The following NTM variants were observed in gnomAD, a reference collection of about 807,000 sequenced individuals.
NTM encodes the protein neurotrimin, also known as IgLON family member 2.
A neutral mutation model predicts 42.1 loss-of-function variants in NTM; 13 were observed. The observed-to-expected ratio is 0.31, with a 90% CI of 0.20 to 0.49. NTM has a LOEUF of 0.49. NTM is among the 20% of genes least tolerant of loss of function. NTM has a pLI of 0.99. For missense variants in NTM, 373 were observed against 452.8 expected (o/e 0.82, Z 1.60); for synonymous variants, 187 against 179.2 (o/e 1.04, Z -0.35).
chr11:131,902,009 C>A (rs1462421462), intron 1 of NTM, among the ~76,000 whole-genome samples: 2 of 152,194 alleles, frequency 1.3e-5, no homozygotes, highest in African/African-American at 4.8e-5. Flanking sequence ...GAAAGAAGCA[C>A]AAGGCTGTGA....
intron 1 of NTM, among the ~76,000 whole-genome samples, chr11:131,642,436 C>T (rs1269960801): frequency 6.6e-6 from 1 of 152,204 alleles, no homozygotes; most frequent in Non-Finnish European, 1.5e-5. Context: ...CTCCAATAAA[C>T]TCAGGTATCA....
chr11:131,878,840 T>C (rs2049009878), intron 1 of NTM, among the ~76,000 whole-genome samples: 2 of 151,820 alleles, frequency 1.3e-5, no homozygotes, highest in South Asian at 4.2e-4. Flanking sequence ...GATGACTCTC[T>C]CTTAAAATAA....
intron 2 of NTM, among the ~76,000 whole-genome samples, chr11:131,970,056 T>C (rs1430554470): frequency 6.6e-6 from 1 of 152,174 alleles, no homozygotes; most frequent in African/African-American, 2.4e-5. Flanking sequence ...GTAATTCTCC[T>C]ACCTTGACCT....
chr11:131,663,703 C>T (rs543480131), intron 1 of NTM: 1 of 152,342 alleles, frequency 6.6e-6, no homozygotes, highest in South Asian at 2.1e-4. Flanking sequence ...CTGGGGTTCC[C>T]ACTCTCTCTT....
At chr11:132,073,914 A>C (rs1253659776) in intron 2 of NTM, among the ~76,000 whole-genome samples, 2 of 152,178 alleles carry the variant, frequency 1.3e-5, no homozygotes, top group Non-Finnish European at 2.9e-5. Context: ...ATCAGTTCCC[A>C]GAATGCAGAG....
At position 131,370,754 on chromosome 11, in the gene NTM, A is replaced by C. The variant is rs1941048758; in HGVS notation, c.-53A>C. The C allele has an allele frequency of 5.4e-6, 8 of 1,482,530 alleles. No individual in the cohort carries two copies. The highest frequency in any genetic ancestry group is 7.5e-6 in the Non-Finnish European group (8 of 1,070,300). The allele number at this position is 1,482,530 out of a possible 1,614,324, so 91.8% of individuals were successfully genotyped here. ...AACACAATCTATCAGGAAAGAAAGA[A>C]AGAAAAAAACCGAACCTGACAAAAA... is the stretch of plus-strand genomic sequence containing the variant. On this transcript the variant is annotated 5_prime_UTR_variant, in exon 1 of 9. Transcript: ENST00000683400.
chr11:131,414,737 A>G (rs183431478), intron 1 of NTM, among the ~76,000 whole-genome samples: 7 of 152,134 alleles, frequency 4.6e-5, no homozygotes, highest in African/African-American at 1.7e-4. Context: ...TCCTTCTTTA[A>G]CTTTGTCCAA....
chr11:132,176,675 GA>G (rs2076855937), intron 3 of NTM, among the ~76,000 whole-genome samples: 1 of 149,148 alleles, frequency 6.7e-6, no homozygotes, highest in African/African-American at 2.4e-5. Context: ...TGGGGGTGAG[GA>G]AGGATTTTAG....
At chr11:131,459,078 C>T (rs764827934) in intron 1 of NTM, among the ~76,000 whole-genome samples, 3 of 152,180 alleles carry the variant, frequency 2.0e-5, no homozygotes, top group Non-Finnish European at 4.4e-5. Flanking sequence ...ATGTGAATAC[C>T]ACCTCTCCAT....
intron 3 of NTM, among the ~76,000 whole-genome samples, chr11:132,202,783 T>A (rs1002645750): frequency 2.0e-5 from 3 of 152,178 alleles, no homozygotes; most frequent in Non-Finnish European, 2.9e-5. Flanking sequence ...CCTTCCACAT[T>A]TCAGTTGATC....
intron 3 of NTM, among the ~76,000 whole-genome samples, chr11:132,189,828 A>G (rs2138228503): frequency 6.6e-6 from 1 of 152,358 alleles, no homozygotes; most frequent in South Asian, 2.1e-4. Flanking sequence ...GTTTATGCAT[A>G]CAAATGAACA....
At chr11:131,998,075 TAC>T (rs1251279692) in intron 2 of NTM, among the ~76,000 whole-genome samples, 2 of 152,056 alleles carry the variant, frequency 1.3e-5, no homozygotes. Context: ...CTTGTAAATG[TAC>T]AGACCATTTA....
chr11:131,731,899 G>A (rs765714092), intron 1 of NTM, among the ~76,000 whole-genome samples: 4 of 152,244 alleles, frequency 2.6e-5, no homozygotes, highest in East Asian at 1.9e-4. Flanking sequence ...GCTGCTGGGC[G>A]GACCTCTCCC....
chr11:131,852,624 G>A (rs1236898754), intron 1 of NTM, among the ~76,000 whole-genome samples: 1 of 152,138 alleles, frequency 6.6e-6, no homozygotes, highest in Non-Finnish European at 1.5e-5. Flanking sequence ...TGGGTCAGGG[G>A]CATGTTTTCT....
At chr11:132,044,891 G>A (rs1013557860) in intron 2 of NTM, among the ~76,000 whole-genome samples, 5 of 152,048 alleles carry the variant, frequency 3.3e-5, no homozygotes, top group African/African-American at 1.2e-4. Context: ...GAAATAAATA[G>A]CCTACCGACC....
At chr11:131,759,669 ATT>A (rs769713556) in intron 1 of NTM, among the ~76,000 whole-genome samples, 4 of 143,256 alleles carry the variant, frequency 2.8e-5, no homozygotes, top group Non-Finnish European at 4.6e-5. Context: ...AGTGCTCAAG[ATT>A]TTTTTTTTTT....
At chr11:131,798,675 T>A (rs1425289411) in intron 1 of NTM, among the ~76,000 whole-genome samples, 1 of 152,246 alleles carries the variant, frequency 6.6e-6, no homozygotes, top group Non-Finnish European at 1.5e-5. Flanking sequence ...TATGTGGCCA[T>A]TGTCCATTTC....
intron 3 of NTM, among the ~76,000 whole-genome samples, chr11:132,183,369 C>T (rs1056772064): frequency 6.6e-6 from 1 of 152,160 alleles, no homozygotes; most frequent in East Asian, 1.9e-4. Flanking sequence ...CTGCTTTCAT[C>T]GTTTCCACTT....
chr11:131,552,184 A>AAG (rs747712168), intron 1 of NTM, among the ~76,000 whole-genome samples: 28 of 152,088 alleles, frequency 1.8e-4, no homozygotes, highest in Admixed American at 6.5e-4. Context: ...AGAAGAGGAA[A>AAG]AGAGAGAGAG....
Sources: gnomAD v4.1 joint callset for allele counts (sites outside exome capture counted in the v4.1 genomes callset) on GRCh38, gnomAD v4.1.1 for gene constraint, MANE v1.5 for transcripts, NCBI Gene and HGNC (gene_info 2026-07-23, HGNC 2026-07-21) for gene names.